The following DNAH1 variants were observed in gnomAD, a reference collection of about 807,000 sequenced individuals.
The protein encoded by DNAH1 is axonemal beta dynein heavy chain 1.
A neutral mutation model predicts 484.3 loss-of-function variants in DNAH1; 327 were observed. The ratio of observed to expected loss-of-function variants is 0.68; its 90% CI spans 0.62 to 0.74. The LOEUF is 0.74. DNAH1 is among the 30% of genes least tolerant of loss of function. The pLI is 0.00. For missense variants in DNAH1, 5,052 were observed against 5,546.8 expected, an observed-to-expected ratio of 0.91 and a Z score of 2.83; for synonymous variants, 2,192 against 2,191.9, an observed-to-expected ratio of 1.00 and a Z score of 0.00.
chr3:52,354,804 C>G (rs771624518), intron 20 of DNAH1, 39 bp from the exon 21 acceptor site: 1 of 1,603,116 alleles, frequency 6.2e-7, no homozygotes, highest in Non-Finnish European at 8.5e-7. Flanking sequence ...TCAGGACCAG[C>G]CCCTCCCAGG....
intron 4 of DNAH1, 77 bp downstream of exon 4, chr3:52,326,391 C>T: frequency 6.7e-7 from 1 of 1,489,532 alleles, no homozygotes; most frequent in Non-Finnish European, 9.0e-7. Flanking sequence ...AACTGCAGAT[C>T]ACCAGGTGAT....
chr3:52,323,953 C>A, intron 3 of DNAH1, 73 bp downstream of exon 3: 1 of 1,224,144 alleles, frequency 8.2e-7, no homozygotes, highest in Non-Finnish European at 1.2e-6. Flanking sequence ...CTCAGGGAGA[C>A]AGCCTTTTCT....
At chr3:52,369,047 C>T (rs1703206406) in intron 37 of DNAH1, 129 bp downstream of exon 37, 9 of 1,073,844 alleles carry the variant, frequency 8.4e-6, no homozygotes, top group Non-Finnish European at 1.1e-5. Flanking sequence ...AGGCTGTCAC[C>T]CTGACTCAGC....
intron 64 of DNAH1, 47 bp downstream of exon 64, chr3:52,392,736 C>A: frequency 6.4e-7 from 1 of 1,555,754 alleles, no homozygotes; most frequent in Non-Finnish European, 8.7e-7. Flanking sequence ...TGCCCCGGGC[C>A]TGCCCCCCAC....
chr3:52,319,127 C>T (rs950788610), intron 1 of DNAH1, among the ~76,000 whole-genome samples: 2 of 152,194 alleles, frequency 1.3e-5, no homozygotes, highest in Non-Finnish European at 2.9e-5. Flanking sequence ...AGTTTCTTTA[C>T]TTTCCTGGGC....
chr3:52,370,629 C>A lies in DNAH1; in HGVS notation c.6411C>A (p.Asn2137Lys). The A allele has an allele frequency of 6.2e-7, 1 of 1,610,800 alleles. No homozygotes were observed. Among genetic ancestry groups the A allele is most frequent in the Non-Finnish European group, 8.5e-7 (1 of 1,178,522 alleles). The change falls in exon 40 of 78, where the codon AAC becomes AAA. Residue 2137 changes from asparagine (N) to lysine (K), a missense_variant. Asn to Lys is a moderately conservative substitution (Grantham distance 94). Transcript: ENST00000420323. ...ACTGGCTAAGGCTCAAGATGGAGAA[C>A]GAACAGGTGAGAGCCGGCGGCCCCC... is the stretch of plus-strand genomic sequence containing the variant. ...FSHWLRLKMENEQLTLLFPEE... is the reference protein window; with the variant it reads ...FSHWLRLKMEKEQLTLLFPEE...
chr3:52,383,064 G>GAA (rs1254355824), intron 50 of DNAH1, among the ~76,000 whole-genome samples: 2 of 152,320 alleles, frequency 1.3e-5, no homozygotes, highest in East Asian at 3.9e-4. Context: ...GATGGGCAAG[G>GAA]ACCTATCTCT....
chr3:52,382,521 T>C, intron 50 of DNAH1, 66 bp downstream of exon 50: 1 of 1,586,792 alleles, frequency 6.3e-7, no homozygotes, highest in African/African-American at 1.4e-5. Context: ...GAGCATAGCA[T>C]CCCGGAAGGT....
intron 43 of DNAH1, 69 bp from the exon 44 acceptor site, chr3:52,372,827 C>A: frequency 2.6e-6 from 4 of 1,537,322 alleles, no homozygotes; most frequent in Non-Finnish European, 3.5e-6. Context: ...AGCTGCCACC[C>A]GTTCGCCCCT....
intron 20 of DNAH1, among the ~76,000 whole-genome samples, chr3:52,354,065 A>G (rs115913696): frequency 0.023 from 3,497 of 152,164 alleles, 66 homozygotes; most frequent in Non-Finnish European, 0.038. Context: ...ATGGTGGCAC[A>G]TGCTTGTGGT....
rs966809348 is a variant in DNAH1 at position 52,350,504 on chromosome 3, G to A, written c.2647-4G>A. Reference sequence around the variant, plus strand: ...GAAGTTCTCATTACCACCTGTCTGTGCAGGAGCGGATTGTGAAGGTCATGG... The same window carrying A: ...GAAGTTCTCATTACCACCTGTCTGTACAGGAGCGGATTGTGAAGGTCATGG... On this transcript the variant is annotated splice_region_variant and splice_polypyrimidine_tract_variant and intron_variant, in intron 15 of 77. Coordinates refer to ENST00000420323, the MANE Select transcript of DNAH1 (RefSeq NM_015512.5). 1 of 1,613,634 alleles carries A rather than the reference G, an allele frequency of 6.2e-7. No individual in the cohort carries two copies. The highest frequency in any genetic ancestry group is 1.3e-5 in the African/African-American group (1 of 74,924).
upstream of DNAH1, among the ~76,000 whole-genome samples, chr3:52,314,543 A>G (rs1335028395): frequency 6.6e-6 from 1 of 152,138 alleles, no homozygotes; most frequent in Non-Finnish European, 1.5e-5. Context: ...AGTCATTTCT[A>G]TGGGTCTTTC....
intron 18 of DNAH1, 145 bp from the exon 19 acceptor site, chr3:52,352,958 C>A: frequency 1.0e-6 from 1 of 982,116 alleles, no homozygotes. Flanking sequence ...AGAAGGGAGG[C>A]CAGGCCCAGG....
In DNAH1 at chr3:52,326,328, G is replaced by T. The variant is rs369026320; in HGVS notation, c.581+14G>T. ...TGAGATCGAGAGGTACGGCTGGGTGGGCTGTGGGGAGACTGTCGGGGAGGT... is the reference window on the plus strand; with the variant it reads ...TGAGATCGAGAGGTACGGCTGGGTGTGCTGTGGGGAGACTGTCGGGGAGGT... On this transcript the variant is annotated intron_variant, in intron 4 of 77. Transcript: ENST00000420323. The T allele has an allele frequency of 9.8e-5, 157 of 1,598,710 alleles. No individual in the cohort carries two copies. The highest frequency in any genetic ancestry group is 1.3e-4 in the Non-Finnish European group (154 of 1,177,510).
Position 52,396,698 on chromosome 3 carries a change from G to C in DNAH1, c.11511G>C (p.Leu3837=). The C allele has an allele frequency of 6.2e-7, 1 of 1,613,758 alleles. No homozygotes were observed. Among genetic ancestry groups the C allele is most frequent in the Non-Finnish European group, 8.5e-7 (1 of 1,179,890 alleles). ...TGGAGCGCCGTAAGTTTGGGCCCCT[G>C]GGCTTCAACATCCCCTATGAGTTCA... The part of the protein sequence containing the change: ...NALERRKFGP[L]GFNIPYEFTD... Residue 3837 remains leucine (L), a synonymous_variant, in exon 72 of 78, where the codon CTG becomes CTC. Transcript: ENST00000420323.
Position 52,328,014 on chromosome 3 carries a change from G to C in DNAH1, c.871G>C (p.Glu291Gln). The change falls in exon 6 of 78, where the codon GAG becomes CAG. Residue 291 changes from glutamate to glutamine, a missense_variant and splice_region_variant. By Grantham distance (29) the Glu-to-Gln change is conservative. This residue lies in a region of DNAH1 where 1,263 missense variants were observed against 1,218.8 expected (regional missense o/e 1.04). Coordinates refer to ENST00000420323, the MANE Select transcript of DNAH1 (RefSeq NM_015512.5). Reference protein sequence around the residue: ...LLPTDDFLGHEDPKSQKLKYK... With the variant: ...LLPTDDFLGHQDPKSQKLKYK... ...GCCCACTGATGACTTCCTGGGGCAT[G>C]GTGAGCAAGGCCACTCTGGAGTGGG... 6.2e-7 allele frequency: 1 copy of C among 1,613,520 alleles called. No homozygotes were observed.
intron 12 of DNAH1, 58 bp downstream of exon 12, chr3:52,348,032 C>T: frequency 7.8e-6 from 12 of 1,536,730 alleles, no homozygotes; most frequent in African/African-American, 1.4e-5. Context: ...GCTGATGGCT[C>T]CCTGAGCTCA....
Position 52,332,222 on chromosome 3 carries a change from G to T in DNAH1, c.1114G>T (p.Ala372Ser). 1 of 1,612,896 alleles carries T rather than the reference G, an allele frequency of 6.2e-7. No homozygotes were observed. The highest frequency in any genetic ancestry group is 8.5e-7 in the Non-Finnish European group (1 of 1,179,388). ...CTGCGCTGAGGACCCTTGCATGTTC[G>T]CACAACGTGTGGTCCAGGCCAACGC... is the stretch of plus-strand genomic sequence containing the variant. ...LFCAEDPCMF[A>S]QRVVQANALR... is the part of the protein sequence containing the mutation. The change falls in exon 8 of 78, where the codon GCA becomes TCA. Residue 372 changes from alanine (A) to serine (S), a missense_variant. This residue lies in a region of DNAH1 where 1,263 missense variants were observed against 1,218.8 expected (regional missense o/e 1.04). Coordinates refer to ENST00000420323, the MANE Select transcript of DNAH1 (RefSeq NM_015512.5).
chr3:52,360,557 C>T (rs1017317892), intron 28 of DNAH1, 133 bp downstream of exon 28: 1 of 715,738 alleles, frequency 1.4e-6, no homozygotes, highest in African/African-American at 1.8e-5. Flanking sequence ...GGACCAAGGG[C>T]TTTGGGCTCA....
Sources: gnomAD v4.1 joint callset for allele counts (sites outside exome capture counted in the v4.1 genomes callset) on GRCh38, gnomAD v4.1.1 for gene constraint, gnomAD v4.1.1 regional missense constraint, MANE v1.5 for transcripts, NCBI Gene and HGNC (gene_info 2026-07-23, HGNC 2026-07-21) for gene names.